The following COL24A1 variants were observed in gnomAD, a reference collection of about 807,000 sequenced individuals.
The protein encoded by COL24A1 is collagen type XXIV alpha 1 chain.
COL24A1 carries 224 observed loss-of-function variants against 253.9 expected under a neutral mutation model. That is an observed-to-expected ratio of 0.88 (90% CI 0.79 to 0.99). The LOEUF is 0.99. Ranked by LOEUF, COL24A1 falls within the 50% of genes least tolerant of loss-of-function variation. The pLI is 0.00. For synonymous variants in COL24A1, 685 were observed against 673.7 expected, an observed-to-expected ratio of 1.02 and a Z score of -0.26; for missense variants, 2,131 against 2,068.5, an observed-to-expected ratio of 1.03 and a Z score of -0.59.
intron 21 of COL24A1, among the ~76,000 whole-genome samples, chr1:85,970,839 A>C (rs1395881089): frequency 6.6e-6 from 1 of 152,146 alleles, no homozygotes; most frequent in African/African-American, 2.4e-5. Flanking sequence ...TCCATTGGAG[A>C]CCACTAACAT....
intron 47 of COL24A1, among the ~76,000 whole-genome samples, chr1:85,802,084 T>A (rs1165262441): frequency 1.3e-5 from 2 of 152,282 alleles, no homozygotes; most frequent in East Asian, 3.9e-4. Flanking sequence ...TAGCCTGGAG[T>A]ACTGCAAAAG....
At chr1:86,017,968 G>T (rs1697151864) in intron 18 of COL24A1, among the ~76,000 whole-genome samples, 1 of 152,122 alleles carries the variant, frequency 6.6e-6, no homozygotes, top group Non-Finnish European at 1.5e-5. Flanking sequence ...TGATAAAGAT[G>T]TGAAATCAGG....
chr1:86,124,514 T>C (rs1461926199), intron 3 of COL24A1, among the ~76,000 whole-genome samples: 1 of 152,042 alleles, frequency 6.6e-6, no homozygotes, highest in East Asian at 1.9e-4. Flanking sequence ...TTTCAAAATA[T>C]AAATATATTA....
chr1:85,993,613 G>C (rs1203845907), intron 19 of COL24A1, among the ~76,000 whole-genome samples: 1 of 151,960 alleles, frequency 6.6e-6, no homozygotes, highest in East Asian at 1.9e-4. Flanking sequence ...TACTGGGTTT[G>C]ACAGATATGT....
intron 22 of COL24A1, among the ~76,000 whole-genome samples, chr1:85,967,813 A>G (rs1325019198): frequency 1.3e-5 from 2 of 152,124 alleles, no homozygotes; most frequent in African/African-American, 4.8e-5. Flanking sequence ...ATCTGACAGG[A>G]GGTGAAGCTC....
At chr1:85,981,693 AAC>A (rs962275467) in intron 20 of COL24A1, among the ~76,000 whole-genome samples, 5 of 152,220 alleles carry the variant, frequency 3.3e-5, no homozygotes, top group African/African-American at 9.6e-5. Context: ...AGAAAAAAAC[AAC>A]AGAGTGAAAA....
intron 18 of COL24A1, among the ~76,000 whole-genome samples, chr1:86,021,785 G>A (rs926724896): frequency 6.6e-5 from 10 of 151,028 alleles, no homozygotes; most frequent in Non-Finnish European, 1.5e-4. Context: ...TTTTTCTTTC[G>A]TCTAATTGAT....
chr1:86,013,447 T>G (rs557288168), intron 19 of COL24A1, among the ~76,000 whole-genome samples: 2 of 152,338 alleles, frequency 1.3e-5, no homozygotes, highest in South Asian at 4.1e-4. Flanking sequence ...CTTTTGGCAG[T>G]GGGAAGATCG....
chr1:85,963,496 G>A (rs1691264642), intron 23 of COL24A1, among the ~76,000 whole-genome samples: 2 of 152,104 alleles, frequency 1.3e-5, no homozygotes. Flanking sequence ...TTAGTTTTCA[G>A]AATCTGAAGG....
chr1:85,790,288 T>C (rs1381192557), intron 47 of COL24A1, among the ~76,000 whole-genome samples: 1 of 152,184 alleles, frequency 6.6e-6, no homozygotes, highest in Non-Finnish European at 1.5e-5. Flanking sequence ...TGGGAGGGTG[T>C]ATATGTCAAT....
intron 7 of COL24A1, among the ~76,000 whole-genome samples, chr1:86,071,210 C>T (rs1011311268): frequency 6.6e-6 from 1 of 151,738 alleles, no homozygotes; most frequent in African/African-American, 2.4e-5. Flanking sequence ...TATTTGCAAG[C>T]CTCATGGTAA....
At chr1:85,900,058 C>G (rs1684120972) in intron 28 of COL24A1, among the ~76,000 whole-genome samples, 1 of 152,168 alleles carries the variant, frequency 6.6e-6, no homozygotes, top group South Asian at 2.1e-4. Context: ...TAAACATTCA[C>G]AAGTAAAGTG....
intron 53 of COL24A1, among the ~76,000 whole-genome samples, chr1:85,773,045 T>A (rs764955141): frequency 5.9e-5 from 9 of 152,182 alleles, no homozygotes; most frequent in Non-Finnish European, 8.8e-5. Flanking sequence ...TGGATTTTTG[T>A]ATAAGGTGTA....
At chr1:85,787,627 G>GTTGAT (rs971803852) in intron 47 of COL24A1, among the ~76,000 whole-genome samples, 21 of 152,142 alleles carry the variant, frequency 1.4e-4, no homozygotes, top group African/African-American at 5.1e-4. Flanking sequence ...GGGCATTTGG[G>GTTGAT]TTGATTCCAT....
intron 28 of COL24A1, among the ~76,000 whole-genome samples, chr1:85,900,005 T>C (rs1398541566): frequency 1.3e-5 from 2 of 152,190 alleles, no homozygotes; most frequent in African/African-American, 4.8e-5. Context: ...GAATTCAGAC[T>C]GGAAGAGAGG....
intron 24 of COL24A1, among the ~76,000 whole-genome samples, chr1:85,926,250 T>C (rs1687200684): frequency 6.6e-6 from 1 of 152,116 alleles, no homozygotes; most frequent in Non-Finnish European, 1.5e-5. Flanking sequence ...GTTCAACCAT[T>C]GTGGAAGACA....
chr1:85,791,922 C>A (rs1300146102), intron 47 of COL24A1, among the ~76,000 whole-genome samples: 1 of 151,960 alleles, frequency 6.6e-6, no homozygotes, highest in East Asian at 1.9e-4. Flanking sequence ...CAGCTGAAAA[C>A]CTAAAGAAAC....
At chr1:85,922,696 C>T (rs1048276806) in intron 24 of COL24A1, among the ~76,000 whole-genome samples, 1 of 152,158 alleles carries the variant, frequency 6.6e-6, no homozygotes, top group African/African-American at 2.4e-5. Flanking sequence ...TAACTGGTAC[C>T]AGCTGCTGCA....
chr1:86,034,175 A>G (rs1698817106), intron 12 of COL24A1, among the ~76,000 whole-genome samples: 1 of 152,168 alleles, frequency 6.6e-6, no homozygotes, highest in African/African-American at 2.4e-5. Flanking sequence ...AGAAAACAAA[A>G]TTGGAGAAGT....
Sources: gnomAD v4.1 joint callset for allele counts (sites outside exome capture counted in the v4.1 genomes callset) on GRCh38, gnomAD v4.1.1 for gene constraint, MANE v1.5 for transcripts, NCBI Gene and HGNC (gene_info 2026-07-23, HGNC 2026-07-21) for gene names.